Variants in ODAM observed in about 807,000 individuals in gnomAD.
ODAM encodes the protein odontogenic, ameloblast associated, also known as odontogenic ameloblast-associated protein.
A neutral mutation model predicts 48.5 loss-of-function variants in ODAM; 55 were observed. That is an observed-to-expected ratio of 1.13 (90% CI 0.91 to 1.42). The LOEUF (loss-of-function observed/expected upper bound fraction) is 1.42, where lower values mean the gene tolerates loss of function less well. Ranked by LOEUF, ODAM falls within the 40% of genes most tolerant of loss-of-function variation. ODAM has a pLI of 0.00. For missense variants in ODAM, 353 were observed against 323.6 expected, an observed-to-expected ratio of 1.09 and a Z score of -0.70; for synonymous variants, 127 against 107.8, an observed-to-expected ratio of 1.18 and a Z score of -1.10.
chr4:70,200,576 C>G lies in ODAM; in HGVS notation c.503C>G (p.Thr168Arg). ...QQTVPRSPQQ[T>R]RQQQYEEQIP... Reference sequence around the variant, plus strand: ...ACAGTTCCAAGGTCACCTCAACAAACAAGACAGCAACAGTATGAGGAGCAG... The same window carrying G: ...ACAGTTCCAAGGTCACCTCAACAAAGAAGACAGCAACAGTATGAGGAGCAG... Residue 168 changes from threonine to arginine, a missense_variant, in exon 7 of 12, where the codon ACA (threonine) becomes AGA (arginine). By Grantham distance (71) the Thr-to-Arg change is moderately conservative (BLOSUM62 -1). Coordinates refer to ENST00000683306, the MANE Select transcript of ODAM (RefSeq NM_017855.4). 1 of 1,610,174 alleles carries G rather than the reference C, an allele frequency of 6.2e-7. No individual in the cohort carries two copies. Among genetic ancestry groups the G allele is most frequent in the Non-Finnish European group, 8.5e-7 (1 of 1,177,266 alleles).
chr4:70,201,444 A>T lies in ODAM; in HGVS notation c.529-10A>T. 7.0e-7 allele frequency: 1 copy of T among 1,431,734 alleles called. No individual in the cohort carries two copies. The highest frequency in any genetic ancestry group is 9.7e-7 in the Non-Finnish European group (1 of 1,027,862). The allele number at this position is 1,431,734 out of a possible 1,614,324, so 88.7% of individuals were successfully genotyped here. A position where few individuals can be genotyped will look rare whatever the true frequency, so the allele number is the denominator to read the frequency against. ...AGAAAATATAATACATTTTTTAAAA[A>T]ATCTGACAGATACCATTCTATGCTC... On this transcript the variant is annotated splice_polypyrimidine_tract_variant and intron_variant, in intron 7 of 11. Transcript: ENST00000683306.
At chr4:70,197,400 G>A (rs1046653753) in intron 4 of ODAM, 79 bp downstream of exon 4, 5 of 848,262 alleles carry the variant, frequency 5.9e-6, no homozygotes, top group Admixed American at 4.0e-5. Flanking sequence ...AAAACAAAAT[G>A]TTTCCTGATC....
chr4:70,200,435 T>C lies in ODAM; in HGVS notation c.424-62T>C. The C allele has an allele frequency of 8.3e-6, 7 of 845,948 alleles. No homozygotes were observed. In the South Asian group the frequency reaches 9.9e-5, roughly 12 times the overall value. 52.4% of individuals were successfully genotyped at this position (845,948 alleles called of 1,614,324 possible). A position where few individuals can be genotyped will look rare whatever the true frequency, so the allele number is the denominator to read the frequency against. The stretch of plus-strand genomic sequence containing the variant: ...TTTAAATAAAATTGACATTAGAAGA[T>C]AAAAAGTATGTCCTATGCTGATTTA... On this transcript the variant is annotated intron_variant, in intron 6 of 11. Coordinates refer to ENST00000683306, the MANE Select transcript of ODAM (RefSeq NM_017855.4).
intron 9 of ODAM, 47 bp downstream of exon 9, chr4:70,202,376 G>A (rs778725629): frequency 1.1e-4 from 153 of 1,380,160 alleles, no homozygotes; most frequent in Non-Finnish European, 1.5e-4. Flanking sequence ...ATCAACAATT[G>A]ACAACTTACT....
At position 70,200,539 on chromosome 4, in the gene ODAM, C is replaced by A. The variant is rs1324998014; in HGVS notation, c.466C>A (p.Gln156Lys). ...YPVYMVLPWE[Q>K]PQQTVPRSPQ... ...AGTTTACATGGTCCTACCCTGGGAA[C>A]AACCTCAGCAAACAGTTCCAAGGTC... Residue 156 changes from glutamine to lysine, a missense_variant, in exon 7 of 12, where the codon CAA (glutamine) becomes AAA (lysine). Gln to Lys is a moderately conservative substitution (Grantham distance 53). Coordinates refer to ENST00000683306, the MANE Select transcript of ODAM (RefSeq NM_017855.4). 4 of 1,611,232 alleles carry A rather than the reference C, an allele frequency of 2.5e-6. No homozygotes were observed. The highest frequency in any genetic ancestry group is 1.3e-5 in the African/African-American group (1 of 74,734).
chr4:70,196,550 AT>A lies in ODAM; in HGVS notation c.9del (p.Ile4Ter). On this transcript the variant is annotated frameshift_variant, in exon 2 of 12. Transcript: ENST00000683306. LOFTEE classifies it high-confidence loss of function. Reference sequence around the variant, plus strand: ...CTAGATATATCATACGAAAATGAAAATTATAATTCTTCTTGGATTCCTGGGA... The same window carrying A: ...CTAGATATATCATACGAAAATGAAAATATAATTCTTCTTGGATTCCTGGGA... MK[I>X]IILLGFLGAT... 6.3e-7 allele frequency: 1 copy of A among 1,582,508 alleles called. No individual in the cohort carries two copies. The highest frequency in any genetic ancestry group is 8.6e-7 in the Non-Finnish European group (1 of 1,157,460).
In ODAM at chr4:70,202,265, C is replaced by G. The variant is rs757549528; in HGVS notation, c.584C>G (p.Ser195Ter). Residue 195 changes from serine (S) to a stop codon, truncating the protein, a stop_gained, in exon 9 of 12, where the codon TCA becomes TGA. Coordinates refer to ENST00000683306, the MANE Select transcript of ODAM (RefSeq NM_017855.4). LOFTEE classifies it high-confidence loss of function. Reference sequence around the variant, plus strand: ...AACTTTTTGTGTTTTTAGGCTATATCAGGAGGACAGCAGCAACTAGCTTTT... The same window carrying G: ...AACTTTTTGTGTTTTTAGGCTATATGAGGAGGACAGCAGCAACTAGCTTTT... ...YIPQLAEPAI[S>*]GGQQQLAFDP... 6.2e-7 allele frequency: 1 copy of G among 1,611,236 alleles called. No individual in the cohort carries two copies. The highest frequency in any genetic ancestry group is 8.5e-7 in the Non-Finnish European group (1 of 1,178,100).
At chr4:70,195,988 A>G (rs1199095619) in intron 1 of ODAM, among the ~76,000 whole-genome samples, 195 bp downstream of exon 1, 3 of 152,040 alleles carry the variant, frequency 2.0e-5, no homozygotes, top group Non-Finnish European at 2.9e-5. Context: ...GTTCAGTTTT[A>G]TAATCTATTG....
At chr4:70,200,724 G>T in intron 7 of ODAM, 123 bp downstream of exon 7, 1 of 585,690 alleles carries the variant, frequency 1.7e-6, no homozygotes, top group Non-Finnish European at 3.0e-6. Context: ...GCATGAAACA[G>T]GTAGGCATAA....
chr4:70,198,129 C>T lies in ODAM; in HGVS notation c.347C>T (p.Pro116Leu), dbSNP rs1427456898. Residue 116 changes from proline (P) to leucine (L), a missense_variant, in exon 5 of 12, where the codon CCG becomes CTG. Physicochemically the swap from Pro to Leu is moderately conservative, Grantham distance 98. Transcript: ENST00000683306. The part of the protein sequence containing the change: ...GQVDPLQLQT[P>L]PQTQPGPSHV... ...GTTGATCCCTTACAGCTTCAAACAC[C>T]GCCTCAGACACAACCAGGCCCCAGT... 1.8e-5 allele frequency: 29 copies of T among 1,613,008 alleles called. No homozygotes were observed. Among genetic ancestry groups the T allele is most frequent in the Admixed American group, 5.0e-5 (3 of 59,878 alleles).
chr4:70,196,819 T>C (rs1729376427), intron 3 of ODAM, 86 bp downstream of exon 3: 3 of 1,068,158 alleles, frequency 2.8e-6, no homozygotes, highest in Non-Finnish European at 4.2e-6. Context: ...TAATTTATAC[T>C]GTGTTCCTCA....
At chr4:70,197,692 G>T in intron 4 of ODAM, 1 of 571,160 alleles carries the variant, frequency 1.8e-6, no homozygotes, top group Non-Finnish European at 3.1e-6. Flanking sequence ...GCAGATGTTG[G>T]GCTCTTTTAT....
chr4:70,203,649 T>A (rs1729556442), intron 11 of ODAM, among the ~76,000 whole-genome samples: 1 of 151,954 alleles, frequency 6.6e-6, no homozygotes, highest in Non-Finnish European at 1.5e-5. Flanking sequence ...ATTCCATGAC[T>A]TTTATATCAG....
chr4:70,196,454 G>A, intron 1 of ODAM, 75 bp from the exon 2 acceptor site: 1 of 800,312 alleles, frequency 1.2e-6, no homozygotes, highest in Non-Finnish European at 2.0e-6. Flanking sequence ...TCCTTTGATT[G>A]AACAATACTA....
At chr4:70,197,131 A>C (rs1400577466) in intron 3 of ODAM, 143 bp from the exon 4 acceptor site, 1 of 613,598 alleles carries the variant, frequency 1.6e-6, no homozygotes, top group African/African-American at 1.9e-5. Flanking sequence ...CTGTAATTTA[A>C]TGTAAGCCTA....
At chr4:70,199,659 G>A (rs2109817712) in intron 6 of ODAM, among the ~76,000 whole-genome samples, 1 of 151,992 alleles carries the variant, frequency 6.6e-6, no homozygotes, top group Admixed American at 6.6e-5. Flanking sequence ...CCCTACCCCA[G>A]TGAATCAATA....
At chr4:70,202,420 T>A in intron 9 of ODAM, 91 bp downstream of exon 9, 2 of 1,040,420 alleles carry the variant, frequency 1.9e-6, no homozygotes, top group Non-Finnish European at 3.0e-6. Context: ...AACTCTGTTG[T>A]AATTCCATCA....
At position 70,202,641 on chromosome 4, in the gene ODAM, CT is replaced by C. The variant is rs3841634; in HGVS notation, c.649-108del. ...TCTAAAAATACTAATAATAGCAACT[CT>C]TTTTTTAATATAATGCTTTTGTTAC... is the stretch of plus-strand genomic sequence containing the variant. On this transcript the variant is annotated intron_variant, in intron 9 of 11. Coordinates refer to ENST00000683306, the MANE Select transcript of ODAM (RefSeq NM_017855.4). The C allele has an allele frequency of 3.0e-5, 22 of 735,580 alleles. No individual in the cohort carries two copies. The Admixed American group carries it at 3.9e-4, about 13-fold the overall frequency. 45.6% of individuals were successfully genotyped at this position (735,580 alleles called of 1,614,324 possible).
chr4:70,197,701 A>G (rs1729401896), intron 4 of ODAM: 1 of 577,622 alleles, frequency 1.7e-6, no homozygotes, highest in Non-Finnish European at 3.1e-6. Flanking sequence ...GGGCTCTTTT[A>G]TCAACCTTAT....
Sources: gnomAD v4.1 joint callset for allele counts (sites outside exome capture counted in the v4.1 genomes callset) on GRCh38, gnomAD v4.1.1 for gene constraint, MANE v1.5 for transcripts, NCBI Gene and HGNC (gene_info 2026-07-23, HGNC 2026-07-21) for gene names.